CDH13: variants seen among roughly 807,000 people sequenced by gnomAD.
CDH13 encodes the protein cadherin 13.
A neutral mutation model predicts 63.8 loss-of-function variants in CDH13; 24 were observed. The observed-to-expected ratio is 0.38, with a 90% CI of 0.27 to 0.53. The LOEUF (loss-of-function observed/expected upper bound fraction) is 0.53. Among genes scored for constraint, CDH13 ranks in the 20% least tolerant of loss-of-function variants. CDH13 has a pLI of 0.85. For missense variants in CDH13, 1,049 were observed against 903.1 expected, an observed-to-expected ratio of 1.16 and a Z score of -2.07; for synonymous variants, 503 against 355.3, an observed-to-expected ratio of 1.42 and a Z score of -4.67.
At chr16:82,803,371 G>T (rs2036968261) in intron 1 of CDH13, among the ~76,000 whole-genome samples, 1 of 152,206 alleles carries the variant, frequency 6.6e-6, no homozygotes, top group African/African-American at 2.4e-5. Flanking sequence ...GGAAGGGGCA[G>T]AGTGTTTTCT....
intron 2 of CDH13, among the ~76,000 whole-genome samples, chr16:82,962,130 TTGGGGG>T (rs1467312148): frequency 6.6e-6 from 1 of 152,130 alleles, no homozygotes; most frequent in Non-Finnish European, 1.5e-5. Context: ...GGTAATTAAG[TTGGGGG>T]TCTTGAGATC....
intron 8 of CDH13, among the ~76,000 whole-genome samples, chr16:83,662,015 C>G (rs1913485314): frequency 6.6e-6 from 1 of 152,132 alleles, no homozygotes; most frequent in South Asian, 2.1e-4. Context: ...TTCCTTTCAA[C>G]CCAGGATCAC....
At chr16:82,768,975 A>G (rs987567790) in intron 1 of CDH13, among the ~76,000 whole-genome samples, 5 of 152,192 alleles carry the variant, frequency 3.3e-5, no homozygotes, top group Admixed American at 2.6e-4. Flanking sequence ...AATCATTGTA[A>G]TGGCATCTCT....
At chr16:83,045,906 C>T (rs1430020915) in intron 3 of CDH13, among the ~76,000 whole-genome samples, 1 of 152,194 alleles carries the variant, frequency 6.6e-6, no homozygotes, top group African/African-American at 2.4e-5. Context: ...AAAAATTAGC[C>T]TATTTGGCCC....
At chr16:82,777,362 C>G in intron 1 of CDH13, among the ~76,000 whole-genome samples, 1 of 152,202 alleles carries the variant, frequency 6.6e-6, no homozygotes. Context: ...CTATAGAAAA[C>G]TAAACCCAGT....
At chr16:83,348,614 A>G (rs925550850) in intron 6 of CDH13, among the ~76,000 whole-genome samples, 1 of 152,190 alleles carries the variant, frequency 6.6e-6, no homozygotes, top group African/African-American at 2.4e-5. Flanking sequence ...TTCATTTTAC[A>G]CTGAGCGTCA....
chr16:83,027,351 A>G (rs79631433), intron 2 of CDH13, among the ~76,000 whole-genome samples: 20,116 of 152,186 alleles, frequency 0.13, 1,395 homozygotes, highest in African/African-American at 0.17. Context: ...TGGGAAGGAA[A>G]TTCTGGAACA....
Position 83,211,532 on chromosome 16 carries a change from C to A in CDH13, c.484-5813C>A, listed in dbSNP as rs547711867. ...ATGCAAATACATTAAAAACACACAC[C>A]ACATTGTATCATTCATTACAGCTGA... On this transcript the variant is annotated intron_variant, in intron 4 of 13. Coordinates refer to ENST00000567109, the MANE Select transcript of CDH13 (RefSeq NM_001257.5). Among the ~76,000 whole-genome samples, 311 of 152,188 alleles carry A rather than the reference C, an allele frequency of 2.0e-3. 2 individuals are homozygous for A. Among genetic ancestry groups the A allele is most frequent in the African/African-American group, 7.2e-3 (300 of 41,526 alleles).
intron 5 of CDH13, among the ~76,000 whole-genome samples, chr16:83,272,806 G>T (rs1448063149): frequency 1.3e-5 from 2 of 152,182 alleles, no homozygotes; most frequent in African/African-American, 4.8e-5. Context: ...AATGTGGTCT[G>T]TTGAGTGGTC....
chr16:83,318,534 G>A (rs1167291828), intron 5 of CDH13, among the ~76,000 whole-genome samples: 4 of 152,182 alleles, frequency 2.6e-5, no homozygotes, highest in Non-Finnish European at 2.9e-5. Context: ...TCTGCTACAC[G>A]TAAGCTGTTG....
chr16:82,936,373 G>A (rs561919345), intron 2 of CDH13, among the ~76,000 whole-genome samples: 58 of 152,250 alleles, frequency 3.8e-4, no homozygotes, highest in African/African-American at 1.3e-3. Context: ...ATTGTGAATT[G>A]TACATGCCAG....
intron 6 of CDH13, among the ~76,000 whole-genome samples, chr16:83,425,017 A>G (rs112584852): frequency 0.018 from 2,759 of 152,354 alleles, 103 homozygotes; most frequent in African/African-American, 0.064. Context: ...AATTAAATCC[A>G]CAGAGCTATT....
intron 8 of CDH13, among the ~76,000 whole-genome samples, chr16:83,632,422 C>G (rs1380682366): frequency 6.6e-6 from 1 of 152,072 alleles, no homozygotes; most frequent in Non-Finnish European, 1.5e-5. Context: ...CCAGCAGCTC[C>G]GTGCATGACA....
intron 1 of CDH13, among the ~76,000 whole-genome samples, chr16:82,747,849 T>C (rs886944705): frequency 1.3e-5 from 2 of 152,208 alleles, no homozygotes; most frequent in African/African-American, 4.8e-5. Context: ...CCTTTTCACT[T>C]GCATTTTCCC....
chr16:82,898,426 G>C (rs574955111), intron 2 of CDH13, among the ~76,000 whole-genome samples: 1 of 152,206 alleles, frequency 6.6e-6, no homozygotes. Context: ...TCAGGAGGTG[G>C]AGACAGGAGA....
chr16:83,156,013 C>A (rs1391989265), intron 4 of CDH13, among the ~76,000 whole-genome samples: 2 of 152,174 alleles, frequency 1.3e-5, no homozygotes, highest in African/African-American at 4.8e-5. Flanking sequence ...AAGGTTGAGA[C>A]TGGGGGCTAC....
chr16:83,032,414 G>A, intron 3 of CDH13, 196 bp downstream of exon 3: 1 of 575,582 alleles, frequency 1.7e-6, no homozygotes, highest in East Asian at 2.9e-5. Flanking sequence ...ACTAATTGAG[G>A]CATAGTTCGT....
chr16:82,987,785 A>T (rs1911137457), intron 2 of CDH13, among the ~76,000 whole-genome samples: 1 of 152,212 alleles, frequency 6.6e-6, no homozygotes, highest in African/African-American at 2.4e-5. Context: ...ATTCTTCAGC[A>T]AGGGTCTGTG....
intron 3 of CDH13, among the ~76,000 whole-genome samples, chr16:83,113,919 C>T (rs2035181296): frequency 6.6e-6 from 1 of 152,120 alleles, no homozygotes; most frequent in African/African-American, 2.4e-5. Context: ...GAGGCTTCAT[C>T]CTTTGGCAAG....
Sources: gnomAD v4.1 joint callset for allele counts (sites outside exome capture counted in the v4.1 genomes callset) on GRCh38, gnomAD v4.1.1 for gene constraint, MANE v1.5 for transcripts, NCBI Gene and HGNC (gene_info 2026-07-23, HGNC 2026-07-21) for gene names.